The following ROBO1 variants were observed in gnomAD, a reference collection of about 807,000 sequenced individuals.
ROBO1 encodes roundabout guidance receptor 1.
Under a neutral mutation model 195.9 loss-of-function variants are expected in ROBO1, and 149 were observed. The ratio of observed to expected loss-of-function variants is 0.76; its 90% confidence interval spans 0.67 to 0.87. The LOEUF (loss-of-function observed/expected upper bound fraction) is 0.87, where lower values mean the gene tolerates loss of function less well. ROBO1 is among the 40% of genes least tolerant of loss of function. The pLI is 0.00. For synonymous variants in ROBO1, 816 were observed against 733.2 expected (o/e 1.11, Z -1.82); for missense variants, 1,933 against 2,068.3 (o/e 0.93, Z 1.27).
chr3:78,717,945 A>T, intron 5 of ROBO1, 62 bp from the exon 6 acceptor site: 2 of 1,531,748 alleles, frequency 1.3e-6, no homozygotes, highest in Non-Finnish European at 1.8e-6. Context: ...TACATGACAG[A>T]TGTCTTCATA....
rs200759888 is a variant in ROBO1 at position 78,685,864 on chromosome 3, G to C, written c.1224C>G (p.Ser408=). Residue 408 remains serine, a synonymous_variant, in exon 10 of 31, where the codon TCC becomes TCG. Coordinates refer to ENST00000464233, the MANE Select transcript of ROBO1 (RefSeq NM_002941.4). The part of the protein sequence containing the change: ...PPQSSSRFSV[S]QTGDLTITNV... ...TAGTAATTGTGAGGTCGCCAGTCTG[G>C]GAGACTGAAAATCGGCTGGATGACT... 6.2e-7 allele frequency: 1 copy of C among 1,608,436 alleles called. No individual in the cohort carries two copies. The highest frequency in any genetic ancestry group is 8.5e-7 in the Non-Finnish European group (1 of 1,176,562).
chr3:78,696,318 T>A (rs2081289128), intron 8 of ROBO1, among the ~76,000 whole-genome samples: 1 of 152,146 alleles, frequency 6.6e-6, no homozygotes, highest in Non-Finnish European at 1.5e-5. Context: ...AAAGCCTGTT[T>A]GTTTCTGTCT....
rs183708706 is a variant in ROBO1, at chr3:79,493,141, G to C, written c.88+96683C>G. On this transcript the variant is annotated intron_variant, in intron 2 of 30. Coordinates refer to ENST00000464233, the MANE Select transcript of ROBO1 (RefSeq NM_002941.4). ...ACATGAATGTTTAAGATAAAATATA[G>C]CTATTATAACATATTAAAAAGGTAA... Among the ~76,000 whole-genome samples the C allele has an allele frequency of 3.3e-5, 5 of 151,960 alleles. No homozygotes were observed. In the East Asian group the frequency reaches 9.7e-4, roughly 29 times the overall value.
chr3:78,969,156 T>A (rs1560063420), intron 3 of ROBO1, among the ~76,000 whole-genome samples: 2 of 152,186 alleles, frequency 1.3e-5, no homozygotes, highest in Admixed American at 1.3e-4. Flanking sequence ...CTTTTTCCCT[T>A]AAATATAAGA....
At chr3:79,535,872 T>A (rs551994430) in intron 2 of ROBO1, among the ~76,000 whole-genome samples, 5 of 152,232 alleles carry the variant, frequency 3.3e-5, no homozygotes, top group African/African-American at 1.2e-4. Flanking sequence ...ATGAGGATTT[T>A]CTTCAAGAGG....
At chr3:79,244,312 A>G (rs569371133) in intron 2 of ROBO1, among the ~76,000 whole-genome samples, 1 of 152,252 alleles carries the variant, frequency 6.6e-6, no homozygotes, top group Middle Eastern at 3.4e-3. Context: ...CACTTAATGA[A>G]TATTATGCAA....
intron 2 of ROBO1, among the ~76,000 whole-genome samples, chr3:79,126,929 T>C (rs527466894): frequency 1.3e-5 from 2 of 150,280 alleles, no homozygotes; most frequent in African/African-American, 4.9e-5. Context: ...GCGGCATATT[T>C]CCCCCCCTAA....
chr3:78,778,947 C>T (rs958734873), intron 4 of ROBO1, among the ~76,000 whole-genome samples: 11 of 152,158 alleles, frequency 7.2e-5, no homozygotes, highest in Admixed American at 4.6e-4. Flanking sequence ...TCAGAAATAA[C>T]GCCACGCATC....
At chr3:79,293,011 T>G (rs1214674958) in intron 2 of ROBO1, among the ~76,000 whole-genome samples, 1 of 152,152 alleles carries the variant, frequency 6.6e-6, no homozygotes, top group African/African-American at 2.4e-5. Context: ...GGTCCTTCGC[T>G]TTTTTTGGTT....
At chr3:79,183,129 CA>C (rs1350641388) in intron 2 of ROBO1, among the ~76,000 whole-genome samples, 1 of 148,608 alleles carries the variant, frequency 6.7e-6, no homozygotes, top group East Asian at 1.9e-4. Context: ...TCCTTACACA[CA>C]ATTGCTTTTT....
chr3:78,814,307 A>C (rs2108642837), intron 4 of ROBO1, among the ~76,000 whole-genome samples: 1 of 152,182 alleles, frequency 6.6e-6, no homozygotes, highest in Non-Finnish European at 1.5e-5. Flanking sequence ...AATTAATTTT[A>C]TATATTTTAT....
intron 1 of ROBO1, among the ~76,000 whole-genome samples, chr3:79,710,033 C>A (rs1446026944): frequency 6.6e-6 from 1 of 152,022 alleles, no homozygotes; most frequent in African/African-American, 2.4e-5. Flanking sequence ...TTTGTTATAG[C>A]ACTCTGAATG....
At chr3:79,494,374 A>G (rs1939620274) in intron 2 of ROBO1, among the ~76,000 whole-genome samples, 2 of 152,210 alleles carry the variant, frequency 1.3e-5, no homozygotes, top group South Asian at 4.1e-4. Flanking sequence ...GGTTCTTTAG[A>G]TAATTTTCCT....
At position 79,183,013 on chromosome 3, in the gene ROBO1, G is replaced by A. The variant is rs187554522; in HGVS notation, c.89-57474C>T. ...GGAGAATCGCTTGAACCCAGGACGC[G>A]GAGTTTGCAGTGAGCCGAGATCGCG... On this transcript the variant is annotated intron_variant, in intron 2 of 30. Transcript: ENST00000464233. 5.5e-4 allele frequency among the ~76,000 whole-genome samples: 82 copies of A among 149,918 alleles called. 1 individual carries two copies. In the East Asian group the frequency reaches 0.013, roughly 24 times the overall value.
intron 2 of ROBO1, among the ~76,000 whole-genome samples, chr3:79,467,506 GAGA>G (rs1938028303): frequency 6.6e-6 from 1 of 151,674 alleles, no homozygotes; most frequent in African/African-American, 2.4e-5. Context: ...AGGCATGATA[GAGA>G]AGGAGAGAAG....
At chr3:79,064,467 G>T (rs1417188644) in intron 3 of ROBO1, among the ~76,000 whole-genome samples, 1 of 151,668 alleles carries the variant, frequency 6.6e-6, no homozygotes, top group Non-Finnish European at 1.5e-5. Context: ...TGTTTTTCCT[G>T]TACTTCACCC....
intron 1 of ROBO1, among the ~76,000 whole-genome samples, chr3:79,737,100 C>T (rs1703423237): frequency 6.6e-6 from 1 of 152,150 alleles, no homozygotes; most frequent in Admixed American, 6.5e-5. Flanking sequence ...CAAGATAACA[C>T]TGTCATTATC....
intron 1 of ROBO1, among the ~76,000 whole-genome samples, chr3:79,709,065 A>G (rs1291181075): frequency 6.6e-6 from 1 of 152,176 alleles, no homozygotes; most frequent in Non-Finnish European, 1.5e-5. Context: ...ACACAAACAA[A>G]ATAATATTTT....
chr3:79,159,238 C>A lies in ROBO1; in HGVS notation c.89-33699G>T, dbSNP rs74736628. Among the ~76,000 whole-genome samples, 219 of 152,072 alleles carry A rather than the reference C, an allele frequency of 1.4e-3. 1 individual carries two copies. Among genetic ancestry groups the A allele is most frequent in the African/African-American group, 5.0e-3 (208 of 41,508 alleles). ...AATAGGGAAAATGTTCTCAGTCTAC[C>A]TCATGAAATTGCTGTCAGGACAACA... On this transcript the variant is annotated intron_variant, in intron 2 of 30. Coordinates refer to ENST00000464233, the MANE Select transcript of ROBO1 (RefSeq NM_002941.4).
Sources: allele counts gnomAD v4.1 joint callset (sites outside exome capture counted in the v4.1 genomes callset), GRCh38; gene constraint gnomAD v4.1.1; transcripts MANE v1.5; gene names NCBI Gene and HGNC (gene_info 2026-07-23, HGNC 2026-07-21).